GPC6: variants seen among roughly 807,000 people sequenced by gnomAD.
GPC6 encodes glypican 6.
In GPC6, 14 loss-of-function variants were observed where a neutral mutation model predicts 55.2. The ratio of observed to expected loss-of-function variants is 0.25; its 90% CI spans 0.17 to 0.40. The LOEUF (loss-of-function observed/expected upper bound fraction) is 0.40. GPC6 is among the 10% of genes least tolerant of loss of function. The pLI, the probability that GPC6 is intolerant of heterozygous loss-of-function variation, is 1.00. For synonymous variants in GPC6, 278 were observed against 259.6 expected, an observed-to-expected ratio of 1.07 and a Z score of -0.68; for missense variants, 641 against 708.5, an observed-to-expected ratio of 0.90 and a Z score of 1.08.
At chr13:94,080,745 G>C (rs1566376941) in intron 4 of GPC6, among the ~76,000 whole-genome samples, 1 of 152,084 alleles carries the variant, frequency 6.6e-6, no homozygotes, top group African/African-American at 2.4e-5. Context: ...TTCTCTCTCT[G>C]TTCTTACAAA....
chr13:94,286,592 A>G, intron 5 of GPC6, 113 bp downstream of exon 5: 1 of 949,304 alleles, frequency 1.1e-6, no homozygotes, highest in Admixed American at 2.3e-5. Context: ...ATATGCTGTC[A>G]GCGAGCTTTT....
chr13:93,354,454 C>T (rs1438400921), intron 1 of GPC6, among the ~76,000 whole-genome samples: 3 of 148,386 alleles, frequency 2.0e-5, no homozygotes, highest in Non-Finnish European at 4.4e-5. Context: ...GGGTTCACGC[C>T]ATTCTCCTGC....
chr13:93,472,112 T>C (rs1209539612), intron 1 of GPC6, among the ~76,000 whole-genome samples: 1 of 152,236 alleles, frequency 6.6e-6, no homozygotes, highest in Non-Finnish European at 1.5e-5. Context: ...GACCATAGTG[T>C]AATGGTATCT....
chr13:93,289,889 T>C (rs951591464), intron 1 of GPC6, among the ~76,000 whole-genome samples: 1 of 152,208 alleles, frequency 6.6e-6, no homozygotes, highest in Non-Finnish European at 1.5e-5. Context: ...AGGCTGATAT[T>C]GCATGGAAAA....
chr13:93,510,107 A>G (rs1056653524), intron 1 of GPC6, among the ~76,000 whole-genome samples: 2 of 152,152 alleles, frequency 1.3e-5, no homozygotes, highest in Admixed American at 6.6e-5. Flanking sequence ...TTATGCCCTC[A>G]AACCAATTTT....
At chr13:94,297,029 G>T (rs1029432390) in intron 5 of GPC6, among the ~76,000 whole-genome samples, 5 of 152,066 alleles carry the variant, frequency 3.3e-5, no homozygotes, top group African/African-American at 1.2e-4. Flanking sequence ...GTTAAACGCA[G>T]TTGTTACTGG....
chr13:93,639,589 G>A (rs1160509606), intron 2 of GPC6, among the ~76,000 whole-genome samples: 1 of 152,124 alleles, frequency 6.6e-6, no homozygotes, highest in Non-Finnish European at 1.5e-5. Flanking sequence ...CCAGTATGGG[G>A]TGATGAAGGT....
At chr13:94,010,482 GAC>G (rs1321915793) in intron 3 of GPC6, among the ~76,000 whole-genome samples, 1 of 152,104 alleles carries the variant, frequency 6.6e-6, no homozygotes, top group East Asian at 1.9e-4. Context: ...TATCCTGAGA[GAC>G]ACACTTTATA....
intron 3 of GPC6, among the ~76,000 whole-genome samples, chr13:93,945,029 A>G (rs140974736): frequency 1.3e-5 from 2 of 152,292 alleles, no homozygotes; most frequent in African/African-American, 4.8e-5. Flanking sequence ...TTTGTCTTCT[A>G]CTGAGACTAG....
At chr13:93,239,763 T>C (rs897305358) in intron 1 of GPC6, among the ~76,000 whole-genome samples, 5 of 152,068 alleles carry the variant, frequency 3.3e-5, no homozygotes, top group South Asian at 4.1e-4. Flanking sequence ...GATGTAGACA[T>C]TTAGTGCTAT....
intron 4 of GPC6, among the ~76,000 whole-genome samples, chr13:94,178,215 T>C (rs1304551313): frequency 1.3e-5 from 2 of 152,084 alleles, no homozygotes; most frequent in Non-Finnish European, 2.9e-5. Flanking sequence ...GCCAGGTTGC[T>C]CTTGAACTCC....
chr13:94,146,511 C>G (rs761263934), intron 4 of GPC6, among the ~76,000 whole-genome samples: 3 of 151,976 alleles, frequency 2.0e-5, no homozygotes, highest in Non-Finnish European at 2.9e-5. Context: ...ATCCTTGGAC[C>G]AATTATAGCG....
At chr13:93,911,116 T>C (rs2140335771) in intron 3 of GPC6, among the ~76,000 whole-genome samples, 1 of 152,332 alleles carries the variant, frequency 6.6e-6, no homozygotes, top group South Asian at 2.1e-4. Context: ...AAAGAAGTGG[T>C]AGATGGGAAA....
chr13:93,860,849 C>A (rs1272141991), intron 3 of GPC6, among the ~76,000 whole-genome samples: 3 of 151,620 alleles, frequency 2.0e-5, no homozygotes, highest in Non-Finnish European at 3.0e-5. Context: ...TGAATCTCAT[C>A]TTTTCTTAGT....
At chr13:94,086,429 A>C (rs1303483128) in intron 4 of GPC6, among the ~76,000 whole-genome samples, 1 of 151,992 alleles carries the variant, frequency 6.6e-6, no homozygotes, top group East Asian at 1.9e-4. Context: ...ATAGCACCCC[A>C]AGGACTGGGG....
chr13:93,758,638 C>CTT (rs1225025280), intron 2 of GPC6, among the ~76,000 whole-genome samples: 1 of 148,292 alleles, frequency 6.7e-6, no homozygotes, highest in African/African-American at 2.5e-5. Context: ...ACATATAGGC[C>CTT]TTTTTTTTTT....
chr13:93,598,831 T>C (rs956021146), intron 2 of GPC6, among the ~76,000 whole-genome samples: 2 of 152,212 alleles, frequency 1.3e-5, no homozygotes, highest in Admixed American at 6.5e-5. Flanking sequence ...ATTAATCTGA[T>C]ATTTTAATGA....
At chr13:93,545,123 A>G (rs1874710787) in intron 1 of GPC6, 140 bp from the exon 2 acceptor site, 1 of 735,028 alleles carries the variant, frequency 1.4e-6, no homozygotes, top group Non-Finnish European at 2.4e-6. Flanking sequence ...GCTGTGGCCC[A>G]GATAGAGTTC....
At chr13:93,569,809 A>G (rs952465053) in intron 2 of GPC6, among the ~76,000 whole-genome samples, 1 of 152,124 alleles carries the variant, frequency 6.6e-6, no homozygotes, top group African/African-American at 2.4e-5. Context: ...TAGGTGATAA[A>G]GTTACCAATT....
Sources: gnomAD v4.1 joint callset for allele counts (sites outside exome capture counted in the v4.1 genomes callset) on GRCh38, gnomAD v4.1.1 for gene constraint, MANE v1.5 for transcripts, NCBI Gene and HGNC (gene_info 2026-07-23, HGNC 2026-07-21) for gene names.